Variants in SLC11A2 observed in about 807,000 individuals in gnomAD.
The protein encoded by SLC11A2 is solute carrier family 11 member 2, also known as natural resistance-associated macrophage protein 2.
SLC11A2 carries 38 observed loss-of-function variants against 68.0 expected under a neutral mutation model. The observed-to-expected ratio is 0.56, with a 90% CI of 0.43 to 0.73. The LOEUF is 0.73. Ranked by LOEUF, SLC11A2 falls within the 30% of genes least tolerant of loss-of-function variation. The probability of loss-of-function intolerance (pLI) is 0.00; values close to 1 mark genes in which losing one functional copy is unlikely to be tolerated. For synonymous variants in SLC11A2, 242 were observed against 250.6 expected (o/e 0.97, Z 0.32); for missense variants, 517 against 690.5 (o/e 0.75, Z 2.82).
At chr12:50,985,298 A>C (rs1940435619), downstream of SLC11A2, among the ~76,000 whole-genome samples, 1 of 152,182 alleles carries the variant, frequency 6.6e-6, no homozygotes, top group Non-Finnish European at 1.5e-5. Context: ...TCTGAAATTA[A>C]ATCCAAAGTA....
chr12:51,005,488 A>T, intron 3 of SLC11A2, 52 bp from the exon 4 acceptor site: 1 of 1,608,860 alleles, frequency 6.2e-7, no homozygotes, highest in South Asian at 1.1e-5. Flanking sequence ...TGAACTACTG[A>T]TATAATTGGT....
intron 1 of SLC11A2, 97 bp downstream of exon 1, chr12:51,026,213 C>A: frequency 2.1e-5 from 26 of 1,217,770 alleles, no homozygotes; most frequent in Non-Finnish European, 2.5e-5. Context: ...CATCCTAGCC[C>A]CGGAGCCTGA....
the SLC11A2 span, among the ~76,000 whole-genome samples, chr12:50,968,909 C>A: frequency 6.6e-6 from 1 of 151,926 alleles, no homozygotes; most frequent in African/African-American, 2.4e-5. Flanking sequence ...TAACTCCTGG[C>A]CTCAAGTGAT....
In SLC11A2 at chr12:50,996,992, TG is replaced by T; in HGVS notation, c.676-21del. Reference sequence around the variant, plus strand: ...AACATACTACATACCAACATAACAATGATTAGCCTTTACAGGAACGTGAAAC... The same window carrying T: ...AACATACTACATACCAACATAACAATATTAGCCTTTACAGGAACGTGAAAC... On this transcript the variant is annotated intron_variant, in intron 8 of 15. Coordinates refer to ENST00000262052, the MANE Select transcript of SLC11A2 (RefSeq NM_000617.3). 1 of 1,611,182 alleles carries T rather than the reference TG, an allele frequency of 6.2e-7. No homozygotes were observed.
intron 15 of SLC11A2, among the ~76,000 whole-genome samples, chr12:50,989,772 G>A (rs1279730192): frequency 1.3e-5 from 2 of 152,186 alleles, no homozygotes; most frequent in Non-Finnish European, 2.9e-5. Context: ...TTACTGAAGT[G>A]ATTTTCTTAA....
the SLC11A2 span, among the ~76,000 whole-genome samples, chr12:50,968,102 AAGG>A: frequency 0.16 from 23,391 of 147,244 alleles, 1,943 homozygotes; most frequent in South Asian, 0.26. Context: ...TAAGAAGAAG[AAGG>A]AGGAGGAGGA....
At chr12:50,954,590 G>A in the SLC11A2 span, among the ~76,000 whole-genome samples, 1 of 152,120 alleles carries the variant, frequency 6.6e-6, no homozygotes, top group Non-Finnish European at 1.5e-5. Flanking sequence ...GCCGGGCACG[G>A]TGGCTCATGC....
At chr12:50,970,825 C>A in the SLC11A2 span, among the ~76,000 whole-genome samples, 3 of 152,106 alleles carry the variant, frequency 2.0e-5, no homozygotes, top group Admixed American at 6.5e-5. Flanking sequence ...CCAAACCAAT[C>A]TGAAAAATTA....
chr12:50,986,890 GAT>G lies in SLC11A2; in HGVS notation c.*1433_*1434del, dbSNP rs1289988644. On this transcript the variant is annotated 3_prime_UTR_variant, in exon 16 of 16. Coordinates refer to ENST00000262052, the MANE Select transcript of SLC11A2 (RefSeq NM_000617.3). ...CAGTAATAATGCTTTTGGGGGCTCA[GAT>G]GAACAGCGAACACCAATCAGCCAGG... 21 of 1,287,076 alleles carry G rather than the reference GAT, an allele frequency of 1.6e-5. No homozygotes were observed. The highest frequency in any genetic ancestry group is 2.0e-5 in the Non-Finnish European group (20 of 988,692). The allele number at this position is 1,287,076 out of a possible 1,614,324, so 79.7% of individuals were successfully genotyped here. A position where few individuals can be genotyped will look rare whatever the true frequency, so the allele number is the denominator to read the frequency against.
At chr12:50,977,793 T>G (rs1407023535), downstream of SLC11A2, among the ~76,000 whole-genome samples, 2 of 151,866 alleles carry the variant, frequency 1.3e-5, no homozygotes, top group Non-Finnish European at 2.9e-5. Flanking sequence ...CTCAAACAAT[T>G]TCACAAGAAA....
chr12:50,975,308 A>G (rs1281441390), downstream of SLC11A2, among the ~76,000 whole-genome samples: 2 of 152,094 alleles, frequency 1.3e-5, no homozygotes, highest in Non-Finnish European at 2.9e-5. Flanking sequence ...CCACAGTGCA[A>G]TCAAACTAGA....
In SLC11A2 at chr12:50,995,703, CA is replaced by C. The variant is rs773771400; in HGVS notation, c.915del (p.Phe305LeufsTer84). On this transcript the variant is annotated frameshift_variant, in exon 10 of 16. Coordinates refer to ENST00000262052, the MANE Select transcript of SLC11A2 (RefSeq NM_000617.3). LOFTEE classifies it high-confidence loss of function. The stretch of plus-strand genomic sequence containing the variant: ...ACAAAGACATTGATGATGAAGGAAA[CA>C]AAGAGTGCAATGCAGGATTCAATGA... ...YFFIESCIAL[F>X]VSFIINVFVV... 1.9e-6 allele frequency: 3 copies of C among 1,614,100 alleles called. No homozygotes were observed. Among genetic ancestry groups the C allele is most frequent in the Non-Finnish European group, 2.5e-6 (3 of 1,179,972 alleles).
Position 51,025,936 on chromosome 12 carries a change from G to A in SLC11A2, c.-39+374C>T, listed in dbSNP as rs1008138536. The A allele has an allele frequency of 8.2e-5, 82 of 999,052 alleles. No individual in the cohort carries two copies. In the Middle Eastern group the frequency reaches 1.5e-3, roughly 19 times the overall value. The allele number at this position is 999,052 out of a possible 1,614,324, so 61.9% of individuals were successfully genotyped here. ...GAGGCCACGAAAGACCTTGCCCTGT[G>A]CCCGTCGGCCTCTTTCGAGGCGTCG... On this transcript the variant is annotated intron_variant, in intron 1 of 15. Coordinates refer to ENST00000262052, the MANE Select transcript of SLC11A2 (RefSeq NM_000617.3).
chr12:51,009,422 C>T (rs1196658455), intron 2 of SLC11A2: 3 of 397,604 alleles, frequency 7.5e-6, no homozygotes, highest in African/African-American at 4.3e-5. Context: ...CAGAAATACA[C>T]AGAGCCTAGT....
chr12:50,979,576 C>CT, downstream of SLC11A2: 1 of 283,340 alleles, frequency 3.5e-6, no homozygotes, highest in South Asian at 3.6e-5. Context: ...TTAAGAGTCT[C>CT]TTTTTCAAGT....
the SLC11A2 span, among the ~76,000 whole-genome samples, chr12:50,956,674 G>A: frequency 2.6e-5 from 4 of 152,084 alleles, no homozygotes; most frequent in Admixed American, 2.6e-4. Context: ...CAGCTCATAC[G>A]TGCATTTCTG....
At chr12:50,982,774 C>T (rs566198135), downstream of SLC11A2, among the ~76,000 whole-genome samples, 2 of 151,726 alleles carry the variant, frequency 1.3e-5, no homozygotes, top group Non-Finnish European at 2.9e-5. Flanking sequence ...CGAAACCCCT[C>T]GACTAAAAAT....
At chr12:51,018,176 C>T (rs1175069463) in intron 1 of SLC11A2, among the ~76,000 whole-genome samples, 1 of 152,140 alleles carries the variant, frequency 6.6e-6, no homozygotes, top group African/African-American at 2.4e-5. Flanking sequence ...GGGTGGATCA[C>T]TTGAGGTCAG....
the SLC11A2 span, among the ~76,000 whole-genome samples, chr12:50,956,115 G>A: frequency 6.6e-6 from 1 of 152,212 alleles, no homozygotes; most frequent in Non-Finnish European, 1.5e-5. Flanking sequence ...TGGTAGGCTG[G>A]GCACAGTGGC....
Sources: allele counts gnomAD v4.1 joint callset (sites outside exome capture counted in the v4.1 genomes callset), GRCh38; gene constraint gnomAD v4.1.1; transcripts MANE v1.5; gene names NCBI Gene and HGNC (gene_info 2026-07-23, HGNC 2026-07-21).